Variants in GBE1 observed in about 807,000 individuals in gnomAD.
The protein encoded by GBE1 is 1,4-alpha-glucan branching enzyme 1, also known as 1,4-alpha-glucan-branching enzyme.
Under a neutral mutation model 88.8 loss-of-function variants are expected in GBE1, and 70 were observed. That is an observed-to-expected ratio of 0.79 (90% CI 0.65 to 0.96). GBE1 has a LOEUF of 0.96. Ranked by LOEUF, GBE1 falls within the 40% of genes least tolerant of loss-of-function variation. GBE1 has a pLI of 0.00. For missense variants in GBE1, 872 were observed against 871.0 expected (o/e 1.00, Z -0.01); for synonymous variants, 284 against 300.1 (o/e 0.95, Z 0.56).
chr3:81,523,945 T>A (rs1702907003), intron 14 of GBE1, among the ~76,000 whole-genome samples: 1 of 151,838 alleles, frequency 6.6e-6, no homozygotes, highest in Admixed American at 6.6e-5. Context: ...TAGTGAACAG[T>A]GCTACAATAA....
chr3:81,760,216 A>G (rs769300579), intron 1 of GBE1, among the ~76,000 whole-genome samples: 6 of 152,198 alleles, frequency 3.9e-5, no homozygotes, highest in Non-Finnish European at 5.9e-5. Flanking sequence ...ACTACTATAT[A>G]CAAGCTCAAG....
rs1357502940 is a variant in GBE1, at chr3:81,492,708, C to CG, written c.2053-2246_2053-2245insC. On this transcript the variant is annotated intron_variant, in intron 15 of 15. Transcript: ENST00000429644. ...CCTTTCTCCCTTTCTCCCTTTCTTC[C>CG]TTTCCTTCCTTCCTTCCTTCCTTCC... 9.1e-5 allele frequency among the ~76,000 whole-genome samples: 13 copies of CG among 142,876 alleles called. No individual in the cohort carries two copies. The South Asian group carries it at 1.4e-3, about 15-fold the overall frequency. The allele number at this position is 142,876 out of a possible 152,430, so 93.7% of individuals were successfully genotyped here.
intron 1 of GBE1, among the ~76,000 whole-genome samples, chr3:81,714,466 TATTA>T (rs1422588108): frequency 2.6e-5 from 4 of 152,196 alleles, no homozygotes; most frequent in Admixed American, 1.3e-4. Context: ...ATGAATACAC[TATTA>T]ATTAATGTAT....
At chr3:81,626,673 A>C (rs1340556137) in intron 7 of GBE1, among the ~76,000 whole-genome samples, 1 of 151,850 alleles carries the variant, frequency 6.6e-6, no homozygotes, top group Non-Finnish European at 1.5e-5. Context: ...GCAAGAGAAA[A>C]AGGATGTCAA....
At chr3:81,660,178 AT>A (rs748514722) in intron 3 of GBE1, among the ~76,000 whole-genome samples, 1 of 152,166 alleles carries the variant, frequency 6.6e-6, no homozygotes, top group African/African-American at 2.4e-5. Context: ...TTGTCAATTG[AT>A]TTTTTTAACA....
intron 3 of GBE1, among the ~76,000 whole-genome samples, chr3:81,651,738 T>C (rs374953799): frequency 5.9e-4 from 90 of 152,312 alleles, no homozygotes; most frequent in African/African-American, 2.0e-3. Flanking sequence ...ACCTATGCTT[T>C]CTCTGTTTTG....
intron 2 of GBE1, among the ~76,000 whole-genome samples, chr3:81,685,725 G>A (rs1407512430): frequency 6.6e-6 from 1 of 151,858 alleles, no homozygotes; most frequent in African/African-American, 2.4e-5. Flanking sequence ...TTTTTCTAAT[G>A]TTCTGATGTT....
intron 7 of GBE1, among the ~76,000 whole-genome samples, chr3:81,626,667 G>A (rs888708640): frequency 1.4e-5 from 2 of 146,594 alleles, no homozygotes; most frequent in Non-Finnish European, 3.0e-5. Flanking sequence ...TAGTAAGCAA[G>A]AGAAAAAGGA....
chr3:81,631,585 A>G (rs1460116769), intron 7 of GBE1, among the ~76,000 whole-genome samples: 1 of 151,666 alleles, frequency 6.6e-6, no homozygotes, highest in Non-Finnish European at 1.5e-5. Flanking sequence ...AATACAAAAA[A>G]AAAAACAAAA....
intron 14 of GBE1, among the ~76,000 whole-genome samples, chr3:81,508,632 C>G (rs897149358): frequency 1.3e-5 from 2 of 152,092 alleles, no homozygotes; most frequent in Non-Finnish European, 2.9e-5. Flanking sequence ...CTGGGAACAG[C>G]CTTCAATGCA....
At chr3:81,635,723 C>A (rs926447526) in intron 7 of GBE1, among the ~76,000 whole-genome samples, 1 of 152,154 alleles carries the variant, frequency 6.6e-6, no homozygotes, top group East Asian at 1.9e-4. Flanking sequence ...AATTCCCAGA[C>A]TTAAATGGAT....
At chr3:81,546,125 G>T (rs989068924) in intron 12 of GBE1, among the ~76,000 whole-genome samples, 2 of 151,624 alleles carry the variant, frequency 1.3e-5, no homozygotes. Flanking sequence ...GTGTATACAT[G>T]GTTCAGTACA....
At chr3:81,582,214 C>A (rs541666868) in intron 10 of GBE1, among the ~76,000 whole-genome samples, 3 of 152,004 alleles carry the variant, frequency 2.0e-5, no homozygotes, top group Non-Finnish European at 4.4e-5. Flanking sequence ...GAGGGCAGAA[C>A]GTGGAAGGCA....
At chr3:81,707,459 AAAAC>A (rs1368706595) in intron 1 of GBE1, among the ~76,000 whole-genome samples, 1 of 152,086 alleles carries the variant, frequency 6.6e-6, no homozygotes, top group Non-Finnish European at 1.5e-5. Context: ...TTAAAAATTA[AAAAC>A]AAACACATAC....
At chr3:81,720,827 T>C (rs1373124177) in intron 1 of GBE1, among the ~76,000 whole-genome samples, 1 of 149,436 alleles carries the variant, frequency 6.7e-6, no homozygotes, top group Non-Finnish European at 1.5e-5. Flanking sequence ...ATAGACTGGA[T>C]TAAGAAAATG....
At chr3:81,627,285 T>C (rs1328056018) in intron 7 of GBE1, among the ~76,000 whole-genome samples, 2 of 152,228 alleles carry the variant, frequency 1.3e-5, no homozygotes, top group Non-Finnish European at 2.9e-5. Flanking sequence ...TATTCATTTA[T>C]TTATTCATTC....
intron 14 of GBE1, among the ~76,000 whole-genome samples, chr3:81,522,082 T>C (rs1319366271): frequency 6.6e-6 from 1 of 151,282 alleles, no homozygotes; most frequent in East Asian, 2.0e-4. Flanking sequence ...ATAAGGGAGA[T>C]GCAATGGTAA....
chr3:81,753,924 C>T (rs933032529), intron 1 of GBE1, among the ~76,000 whole-genome samples: 12 of 152,212 alleles, frequency 7.9e-5, no homozygotes, highest in East Asian at 5.8e-4. Flanking sequence ...AAAACTTCTG[C>T]GCTGTGGGAA....
At chr3:81,559,105 C>A (rs1477773973) in intron 12 of GBE1, among the ~76,000 whole-genome samples, 1 of 151,978 alleles carries the variant, frequency 6.6e-6, no homozygotes, top group African/African-American at 2.4e-5. Flanking sequence ...TAACTTTTAG[C>A]TACTCGAGAA....
Sources: gnomAD v4.1 joint callset for allele counts (sites outside exome capture counted in the v4.1 genomes callset) on GRCh38, gnomAD v4.1.1 for gene constraint, MANE v1.5 for transcripts, NCBI Gene and HGNC (gene_info 2026-07-23, HGNC 2026-07-21) for gene names.